SLC25A29: variants seen among roughly 807,000 people sequenced by gnomAD.
The protein encoded by SLC25A29 is solute carrier family 25 member 29.
SLC25A29 carries 13 observed loss-of-function variants against 10.0 expected under a neutral mutation model. That is an observed-to-expected ratio of 1.30 (90% CI 0.85 to 2.07). The LOEUF is 2.07. Among genes scored for constraint, SLC25A29 ranks in the 30% most tolerant of loss-of-function variants. The probability of loss-of-function intolerance (pLI) is 0.00; values close to 1 mark genes in which losing one functional copy is unlikely to be tolerated. For missense variants in SLC25A29, 475 were observed against 447.6 expected (o/e 1.06, Z -0.55); for synonymous variants, 244 against 221.1 (o/e 1.10, Z -0.92).
chr14:100,282,704 G>GA, the SLC25A29 span: 1 of 152,204 alleles, frequency 6.6e-6, no homozygotes, highest in Non-Finnish European at 1.5e-5. Flanking sequence ...TTTGCATCCA[G>GA]AAAAACATTG....
chr14:100,288,382 C>CAG (rs1555371816), downstream of SLC25A29, among the ~76,000 whole-genome samples: 1 of 63,832 alleles, frequency 1.6e-5, no homozygotes, highest in Non-Finnish European at 2.6e-5. Flanking sequence ...AACTCTATCT[C>CAG]AAAAAAAAAA....
chr14:100,298,666 A>T (rs1307548533), intron 2 of SLC25A29, 176 bp downstream of exon 2: 2 of 790,410 alleles, frequency 2.5e-6, no homozygotes, highest in Admixed American at 4.2e-5. Flanking sequence ...CAGCATGTGG[A>T]TCAGCCCCAG....
chr14:100,285,809 C>A, the SLC25A29 span, among the ~76,000 whole-genome samples: 1 of 151,958 alleles, frequency 6.6e-6, no homozygotes, highest in African/African-American at 2.4e-5. Context: ...CCCTGGGACG[C>A]CCCCCCTTCC....
intron 1 of SLC25A29, chr14:100,305,387 G>T (rs1892852434): frequency 6.6e-6 from 1 of 152,114 alleles, no homozygotes; most frequent in Non-Finnish European, 1.5e-5. Context: ...AACTCCCGCC[G>T]CCAACCACCC....
intron 2 of SLC25A29, chr14:100,295,928 A>G: frequency 7.8e-7 from 1 of 1,289,728 alleles, no homozygotes; most frequent in South Asian, 1.2e-5. Flanking sequence ...GTGCTTCAGG[A>G]CGGTGGCTGT....
the SLC25A29 span, chr14:100,281,249 T>C: frequency 6.6e-6 from 1 of 152,012 alleles, no homozygotes; most frequent in African/African-American, 2.4e-5. Flanking sequence ...ATAATCCTTC[T>C]ATTTTCTTGA....
chr14:100,292,304 C>A lies in SLC25A29; in HGVS notation c.891G>T (p.Leu297=). The change falls in exon 4 of 4, where the codon CTG becomes CTT. Residue 297 remains leucine, a synonymous_variant. Transcript: ENST00000359232. ...AGCGTCACAGGCTGGAGGGCTGCGC[C>A]AGGGCAGGCCCCGCAGGGGCGGCGG... ...AVPAAPAGPA[L]AQPSSL is the part of the protein sequence containing the mutation. 1 of 1,524,854 alleles carries A rather than the reference C, an allele frequency of 6.6e-7. No homozygotes were observed. The highest frequency in any genetic ancestry group is 8.8e-7 in the Non-Finnish European group (1 of 1,138,322). 94.5% of individuals were successfully genotyped at this position (1,524,854 alleles called of 1,614,324 possible). A position where few individuals can be genotyped will look rare whatever the true frequency, so the allele number is the denominator to read the frequency against.
At chr14:100,293,398 G>C (rs1891915448) in intron 2 of SLC25A29, 21 bp from the exon 3 acceptor site, 1 of 1,609,546 alleles carries the variant, frequency 6.2e-7, no homozygotes, top group Non-Finnish European at 8.5e-7. Context: ...AGGGTCCAGT[G>C]AGAGGCAGGC....
rs749343412 is a variant in SLC25A29 at position 100,293,037 on chromosome 14, G to T, written c.163-5C>A. ...GCCCTTGTACAGGCCCAGCACCTGCGGGGACAGAGACGCCATCAGAGCCGG... is the reference window on the plus strand; with the variant it reads ...GCCCTTGTACAGGCCCAGCACCTGCTGGGACAGAGACGCCATCAGAGCCGG... On this transcript the variant is annotated splice_region_variant and splice_polypyrimidine_tract_variant and intron_variant, in intron 3 of 3. Transcript: ENST00000359232. 2 of 1,529,318 alleles carry T rather than the reference G, an allele frequency of 1.3e-6. No homozygotes were observed. The highest frequency in any genetic ancestry group is 2.3e-5 in the East Asian group (1 of 43,360). The allele number at this position is 1,529,318 out of a possible 1,614,324, so 94.7% of individuals were successfully genotyped here.
chr14:100,278,756 C>G, the SLC25A29 span: 1 of 152,276 alleles, frequency 6.6e-6, no homozygotes, highest in South Asian at 2.1e-4. Flanking sequence ...TTTTAGCCCC[C>G]GGCAAGTGTG....
rs1173445568 is a variant in SLC25A29, at chr14:100,299,217, C to T, written c.35-332G>A. Reference sequence around the variant, plus strand: ...CCCTGGGAGGCTGCACACACTATTTCTGGGATATCCCATTAATCCAAACAC... The same window carrying T: ...CCCTGGGAGGCTGCACACACTATTTTTGGGATATCCCATTAATCCAAACAC... On this transcript the variant is annotated intron_variant, in intron 1 of 3. Transcript: ENST00000359232. The T allele has an allele frequency of 3.4e-6, 4 of 1,182,538 alleles. No individual in the cohort carries two copies. In the African/African-American group the frequency reaches 6.4e-5, roughly 19 times the overall value. 73.3% of individuals were successfully genotyped at this position (1,182,538 alleles called of 1,614,324 possible). A position where few individuals can be genotyped will look rare whatever the true frequency, so the allele number is the denominator to read the frequency against.
At chr14:100,283,110 A>C in the SLC25A29 span, among the ~76,000 whole-genome samples, 1 of 152,230 alleles carries the variant, frequency 6.6e-6, no homozygotes, top group Non-Finnish European at 1.5e-5. Flanking sequence ...AGCCCATGTC[A>C]GCCCTGGAAG....
the SLC25A29 span, chr14:100,279,727 G>C: frequency 6.6e-6 from 1 of 152,558 alleles, no homozygotes; most frequent in Non-Finnish European, 1.5e-5. Flanking sequence ...GTCGGGTTGA[G>C]TAGCCCCAGC....
In SLC25A29 at chr14:100,292,729, A is replaced by G; in HGVS notation, c.466T>C (p.Ser156Pro). 1 of 1,602,986 alleles carries G rather than the reference A, an allele frequency of 6.2e-7. No homozygotes were observed. The highest frequency in any genetic ancestry group is 8.5e-7 in the Non-Finnish European group (1 of 1,175,896). Residue 156 changes from serine (S) to proline (P), a missense_variant, in exon 4 of 4, where the codon TCC becomes CCC. By Grantham distance (74) the Ser-to-Pro change is moderately conservative. Transcript: ENST00000359232. ...GLRGVNRGMVSTLLRETPSFG... is the reference protein window; with the variant it reads ...GLRGVNRGMVPTLLRETPSFG... ...CTGGGCGTCTCACGCAGCAACGTGG[A>G]CACCATGCCCCGGTTGACGCCACGC...
chr14:100,285,668 C>A, the SLC25A29 span, among the ~76,000 whole-genome samples: 21 of 152,156 alleles, frequency 1.4e-4, no homozygotes, highest in African/African-American at 4.6e-4. Flanking sequence ...GCTGCGTGCA[C>A]CCCACCTGCC....
At chr14:100,303,117 C>A (rs1277214692) in intron 1 of SLC25A29, among the ~76,000 whole-genome samples, 1 of 152,150 alleles carries the variant, frequency 6.6e-6, no homozygotes, top group African/African-American at 2.4e-5. Flanking sequence ...TTCTGGGAGG[C>A]CTTTGCATCC....
rs1472355120 is a variant in SLC25A29 at position 100,291,744 on chromosome 14, G to A, written c.*539C>T. 1.2e-5 allele frequency: 2 copies of A among 161,150 alleles called. No individual in the cohort carries two copies. Among genetic ancestry groups the A allele is most frequent in the African/African-American group, 4.8e-5 (2 of 41,486 alleles). The allele number at this position is 161,150 out of a possible 1,614,324, so 10.0% of individuals were successfully genotyped here. A position where few individuals can be genotyped will look rare whatever the true frequency, so the allele number is the denominator to read the frequency against. On this transcript the variant is annotated 3_prime_UTR_variant, in exon 4 of 4. Transcript: ENST00000359232. ...GGTACCCCTAGCAGTGGCATGTGGA[G>A]AAGCTGGGGTATGCAGAGGATCCAG...
chr14:100,287,248 G>A (rs914137419), downstream of SLC25A29, among the ~76,000 whole-genome samples: 1 of 152,400 alleles, frequency 6.6e-6, no homozygotes, highest in South Asian at 2.1e-4. Context: ...AAGTCTGTGT[G>A]TGAAGCCAGT....
the SLC25A29 span, chr14:100,280,390 C>T: frequency 5.3e-5 from 8 of 152,134 alleles, no homozygotes; most frequent in Non-Finnish European, 1.0e-4. Context: ...GATAAGTTTA[C>T]ACTTAACAAG....
Sources: gnomAD v4.1 joint callset for allele counts (sites outside exome capture counted in the v4.1 genomes callset) on GRCh38, gnomAD v4.1.1 for gene constraint, MANE v1.5 for transcripts, NCBI Gene and HGNC (gene_info 2026-07-23, HGNC 2026-07-21) for gene names.